The following DPF3 variants were observed in gnomAD, a reference collection of about 807,000 sequenced individuals.
The protein encoded by DPF3 is zinc finger protein DPF3.
A neutral mutation model predicts 56.8 loss-of-function variants in DPF3; 18 were observed. The ratio of observed to expected loss-of-function variants is 0.32; its 90% confidence interval spans 0.22 to 0.47. DPF3 has a LOEUF of 0.47. Ranked by LOEUF, DPF3 falls within the 20% of genes least tolerant of loss-of-function variation. The probability of loss-of-function intolerance (pLI) is 1.00; values close to 1 mark genes in which losing one functional copy is unlikely to be tolerated. For missense variants in DPF3, 403 were observed against 488.8 expected, an observed-to-expected ratio of 0.82 and a Z score of 1.65; for synonymous variants, 188 against 180.2, an observed-to-expected ratio of 1.04 and a Z score of -0.35.
chr14:72,741,426 T>A (rs922319105), intron 3 of DPF3, among the ~76,000 whole-genome samples: 14 of 152,218 alleles, frequency 9.2e-5, no homozygotes, highest in African/African-American at 3.1e-4. Context: ...TTGGTGCCTG[T>A]CCTCCTGCAG....
chr14:72,779,837 T>C (rs74060813), intron 1 of DPF3, among the ~76,000 whole-genome samples: 22 of 152,222 alleles, frequency 1.4e-4, no homozygotes, highest in Admixed American at 1.4e-3. Context: ...ACTATTGCGG[T>C]GTCCTTGAGG....
chr14:72,854,352 G>A (rs981212128), intron 1 of DPF3, among the ~76,000 whole-genome samples: 2 of 152,102 alleles, frequency 1.3e-5, no homozygotes, highest in Non-Finnish European at 2.9e-5. Flanking sequence ...GGGTGATAGA[G>A]TGAAATCCTG....
chr14:72,662,105 C>T, intron 8 of DPF3: 1 of 985,118 alleles, frequency 1.0e-6, no homozygotes, highest in African/African-American at 1.7e-5. Context: ...AATCTTAACA[C>T]ACAATCATTT....
chr14:72,845,115 C>T (rs1003225380), intron 1 of DPF3, among the ~76,000 whole-genome samples: 1 of 152,138 alleles, frequency 6.6e-6, no homozygotes, highest in Non-Finnish European at 1.5e-5. Context: ...TAAAAAGAAG[C>T]CTCCAGGAAT....
intron 1 of DPF3, among the ~76,000 whole-genome samples, chr14:72,813,027 C>T (rs1169779064): frequency 6.6e-6 from 1 of 152,150 alleles, no homozygotes. Context: ...AGCCTCTCCA[C>T]ACTGTCCTTG....
chr14:72,805,756 G>A (rs1882749244), intron 1 of DPF3, among the ~76,000 whole-genome samples: 1 of 152,198 alleles, frequency 6.6e-6, no homozygotes, highest in Admixed American at 6.5e-5. Flanking sequence ...CTGGGTATTA[G>A]AATCGCTTGA....
At chr14:72,819,159 C>T (rs1025044874) in intron 1 of DPF3, among the ~76,000 whole-genome samples, 1 of 152,200 alleles carries the variant, frequency 6.6e-6, no homozygotes, top group East Asian at 1.9e-4. Flanking sequence ...ACCGTTCACA[C>T]CCATTAAAAT....
At chr14:72,622,854 C>T (rs1412564977) in intron 9 of DPF3, among the ~76,000 whole-genome samples, 1 of 152,164 alleles carries the variant, frequency 6.6e-6, no homozygotes, top group African/African-American at 2.4e-5. Context: ...CAACCTCACC[C>T]CCTGACTCCT....
chr14:72,637,269 A>G (rs1483845136), intron 8 of DPF3, among the ~76,000 whole-genome samples: 2 of 152,244 alleles, frequency 1.3e-5, no homozygotes, highest in Admixed American at 1.3e-4. Context: ...GCCTGAGGGC[A>G]TACATCATGG....
At chr14:72,665,490 T>C (rs899895949) in intron 8 of DPF3, among the ~76,000 whole-genome samples, 2 of 152,236 alleles carry the variant, frequency 1.3e-5, no homozygotes, top group East Asian at 1.9e-4. Context: ...CCTGATGTAA[T>C]GCACTGAGAA....
At chr14:72,694,705 A>G (rs1887836299) in intron 6 of DPF3, among the ~76,000 whole-genome samples, 1 of 152,232 alleles carries the variant, frequency 6.6e-6, no homozygotes, top group Non-Finnish European at 1.5e-5. Context: ...ATATCTTCAA[A>G]TGGCAAAAGC....
At chr14:72,661,875 T>G (rs1886231452) in intron 8 of DPF3, 4 of 880,372 alleles carry the variant, frequency 4.5e-6, no homozygotes, top group Non-Finnish European at 5.3e-6. Flanking sequence ...TTTTTTTTTT[T>G]GCTGCATTAT....
intron 3 of DPF3, among the ~76,000 whole-genome samples, chr14:72,742,142 C>T (rs908226813): frequency 6.6e-6 from 1 of 152,256 alleles, no homozygotes; most frequent in Non-Finnish European, 1.5e-5. Context: ...GCCCACCTCG[C>T]TCCAGCTCCC....
At chr14:72,861,123 G>A (rs1471509763) in intron 1 of DPF3, among the ~76,000 whole-genome samples, 1 of 151,420 alleles carries the variant, frequency 6.6e-6, no homozygotes, top group African/African-American at 2.4e-5. Context: ...CTGTCTGCCT[G>A]CCTGCTTACT....
chr14:72,662,739 G>A, intron 8 of DPF3: 2 of 993,706 alleles, frequency 2.0e-6, no homozygotes, highest in South Asian at 9.0e-5. Flanking sequence ...AGAAGAGGAG[G>A]AGGAGGAGGA....
intron 8 of DPF3, among the ~76,000 whole-genome samples, chr14:72,636,475 C>T (rs1885386399): frequency 6.6e-6 from 1 of 152,146 alleles, no homozygotes. Context: ...GTCTCTCTCT[C>T]TGCCCCATTC....
chr14:72,893,471 C>T (rs571229689), intron 1 of DPF3, among the ~76,000 whole-genome samples: 2 of 152,284 alleles, frequency 1.3e-5, no homozygotes, highest in South Asian at 2.1e-4. Flanking sequence ...CGCTGCTTCC[C>T]CCGCGGTGCT....
At chr14:72,735,893 G>C (rs140001848) in intron 3 of DPF3, among the ~76,000 whole-genome samples, 1 of 152,294 alleles carries the variant, frequency 6.6e-6, no homozygotes, top group East Asian at 1.9e-4. Context: ...AAACTAGTGT[G>C]ATAAATAGGG....
chr14:72,692,966 T>TC, intron 7 of DPF3, 110 bp downstream of exon 7: 1 of 1,547,128 alleles, frequency 6.5e-7, no homozygotes, highest in Non-Finnish European at 8.7e-7. Flanking sequence ...TTGAGACCAC[T>TC]CAACGGTTGC....
Sources: gnomAD v4.1 joint callset for allele counts (sites outside exome capture counted in the v4.1 genomes callset) on GRCh38, gnomAD v4.1.1 for gene constraint, MANE v1.5 for transcripts, NCBI Gene and HGNC (gene_info 2026-07-23, HGNC 2026-07-21) for gene names.